Variants in HIBADH observed in about 807,000 individuals in gnomAD.
HIBADH encodes 3-hydroxyisobutyrate dehydrogenase, mitochondrial.
A neutral mutation model predicts 36.1 loss-of-function variants in HIBADH; 25 were observed. The ratio of observed to expected loss-of-function variants is 0.69; its 90% CI spans 0.50 to 0.97. HIBADH has a LOEUF of 0.97. Among genes scored for constraint, HIBADH ranks in the 50% least tolerant of loss-of-function variants. HIBADH has a pLI of 0.00. For synonymous variants in HIBADH, 160 were observed against 149.5 expected (o/e 1.07, Z -0.51); for missense variants, 421 against 418.0 (o/e 1.01, Z -0.06).
intron 1 of HIBADH, among the ~76,000 whole-genome samples, chr7:27,658,883 A>G (rs1685824122): frequency 6.6e-6 from 1 of 152,146 alleles, no homozygotes; most frequent in South Asian, 2.1e-4. Context: ...GACTTTCTCT[A>G]TAAAGGCCTT....
chr7:27,558,363 G>A (rs1262620565), intron 4 of HIBADH, among the ~76,000 whole-genome samples: 1 of 151,910 alleles, frequency 6.6e-6, no homozygotes, highest in Non-Finnish European at 1.5e-5. Context: ...GGTCTCGCTC[G>A]GTCACCCTGG....
rs183773076 is a variant in HIBADH at position 27,652,855 on chromosome 7, G to A, written c.92-3222C>T. 2.6e-5 allele frequency among the ~76,000 whole-genome samples: 4 copies of A among 152,300 alleles called. No individual in the cohort carries two copies. The East Asian group carries it at 5.8e-4, about 22-fold the overall frequency. On this transcript the variant is annotated intron_variant, in intron 1 of 7. Coordinates refer to ENST00000265395, the MANE Select transcript of HIBADH (RefSeq NM_152740.4). The stretch of plus-strand genomic sequence containing the variant: ...TGAGGGTTAGGAATTTTGGCCAGGC[G>A]CAGCGGCTCACGCCTGTAATCCCAG...
At chr7:27,652,796 C>G (rs2128297432) in intron 1 of HIBADH, among the ~76,000 whole-genome samples, 1 of 152,210 alleles carries the variant, frequency 6.6e-6, no homozygotes, top group African/African-American at 2.4e-5. Context: ...ATCTAATTGC[C>G]TCCCAAAGGG....
At chr7:27,579,538 C>G (rs1210824172) in intron 4 of HIBADH, among the ~76,000 whole-genome samples, 5 of 152,202 alleles carry the variant, frequency 3.3e-5, no homozygotes, top group Non-Finnish European at 7.4e-5. Flanking sequence ...TTTACAAAAA[C>G]AGATATTTTA....
rs1562609071 is a variant in HIBADH, at chr7:27,526,172, CAG to C, written c.*40_*41del. On this transcript the variant is annotated 3_prime_UTR_variant, in exon 8 of 8. Coordinates refer to ENST00000265395, the MANE Select transcript of HIBADH (RefSeq NM_152740.4). The stretch of plus-strand genomic sequence containing the variant: ...AGTGAGCTAAAAGGAGGCTCCAAGA[CAG>C]AGTTTGGTTCCCAACAGTGTCCGTG... The C allele has an allele frequency of 2.6e-6, 4 of 1,529,880 alleles. No individual in the cohort carries two copies. The highest frequency in any genetic ancestry group is 3.5e-6 in the Non-Finnish European group (4 of 1,140,176). The allele number at this position is 1,529,880 out of a possible 1,614,324, so 94.8% of individuals were successfully genotyped here. A position where few individuals can be genotyped will look rare whatever the true frequency, so the allele number is the denominator to read the frequency against.
At chr7:27,613,146 A>G (rs1219471350) in intron 4 of HIBADH, among the ~76,000 whole-genome samples, 1 of 108,344 alleles carries the variant, frequency 9.2e-6, no homozygotes, top group Non-Finnish European at 1.8e-5. Context: ...ATATAAATAT[A>G]TTTTATATAA....
chr7:27,602,898 A>G (rs1208026957), intron 4 of HIBADH, among the ~76,000 whole-genome samples: 1 of 152,048 alleles, frequency 6.6e-6, no homozygotes, highest in Non-Finnish European at 1.5e-5. Context: ...CCTTCTCAAC[A>G]ACCTCCATCC....
chr7:27,633,931 A>G (rs992639379), intron 2 of HIBADH, among the ~76,000 whole-genome samples: 1 of 152,194 alleles, frequency 6.6e-6, no homozygotes, highest in African/African-American at 2.4e-5. Flanking sequence ...AAGTTTACAC[A>G]TGTTCTTTTT....
chr7:27,625,525 C>T (rs944821064), intron 4 of HIBADH, among the ~76,000 whole-genome samples: 1 of 151,670 alleles, frequency 6.6e-6, no homozygotes, highest in African/African-American at 2.4e-5. Context: ...ATGCTGGTTA[C>T]CTCTCATCAG....
chr7:27,602,611 C>CTGAT (rs1432158407), intron 4 of HIBADH, among the ~76,000 whole-genome samples: 1 of 152,116 alleles, frequency 6.6e-6, no homozygotes, highest in African/African-American at 2.4e-5. Flanking sequence ...TAGAGCTAAG[C>CTGAT]TGATATACTA....
rs748541985 is a variant in HIBADH, at chr7:27,538,336, CA to C, written c.695+4del. Reference sequence around the variant, plus strand: ...GTTAGTATAAAAACGTACTATTCAACAAACCTGATTCCAAGATTCATAGCTT... The same window carrying C: ...GTTAGTATAAAAACGTACTATTCAACAACCTGATTCCAAGATTCATAGCTT... On this transcript the variant is annotated splice_donor_region_variant and intron_variant, in intron 6 of 7. Transcript: ENST00000265395. 3 of 1,608,756 alleles carry C rather than the reference CA, an allele frequency of 1.9e-6. No individual in the cohort carries two copies. The highest frequency in any genetic ancestry group is 1.1e-5 in the South Asian group (1 of 90,924).
chr7:27,558,926 G>C (rs1746995757), intron 4 of HIBADH, among the ~76,000 whole-genome samples: 2 of 152,116 alleles, frequency 1.3e-5, no homozygotes, highest in African/African-American at 4.8e-5. Flanking sequence ...GTTTGCCAGG[G>C]CCATCATAAC....
chr7:27,625,478 A>T (rs1399390787), intron 4 of HIBADH, among the ~76,000 whole-genome samples: 4 of 148,222 alleles, frequency 2.7e-5, no homozygotes, highest in Non-Finnish European at 6.0e-5. Flanking sequence ...AGTTAAACTT[A>T]AAAAAAAAAG....
intron 2 of HIBADH, among the ~76,000 whole-genome samples, chr7:27,645,602 G>C (rs1463460114): frequency 6.6e-6 from 1 of 151,792 alleles, no homozygotes; most frequent in Non-Finnish European, 1.5e-5. Context: ...GGCTGGTCTT[G>C]AACTCCTGAC....
chr7:27,560,389 G>A (rs956554243), intron 4 of HIBADH, among the ~76,000 whole-genome samples: 2 of 152,208 alleles, frequency 1.3e-5, no homozygotes, highest in Non-Finnish European at 2.9e-5. Context: ...ATGGTGCTGG[G>A]ATTACGGGTG....
At chr7:27,569,735 C>T (rs1035495608) in intron 4 of HIBADH, among the ~76,000 whole-genome samples, 15 of 151,986 alleles carry the variant, frequency 9.9e-5, no homozygotes, top group Non-Finnish European at 2.1e-4. Flanking sequence ...CTAGATCTGT[C>T]TCTGGGGCCA....
intron 4 of HIBADH, among the ~76,000 whole-genome samples, chr7:27,573,577 G>A (rs1254564357): frequency 6.6e-6 from 1 of 152,114 alleles, no homozygotes; most frequent in African/African-American, 2.4e-5. Flanking sequence ...AAAAAGGAAC[G>A]AGAAAAATTC....
intron 4 of HIBADH, among the ~76,000 whole-genome samples, chr7:27,626,224 C>A (rs570663227): frequency 6.6e-6 from 1 of 151,130 alleles, no homozygotes; most frequent in Non-Finnish European, 1.5e-5. Flanking sequence ...TTTCATCTAC[C>A]CTTTAAGTAT....
At chr7:27,622,940 T>C (rs573711463) in intron 4 of HIBADH, among the ~76,000 whole-genome samples, 1 of 152,076 alleles carries the variant, frequency 6.6e-6, no homozygotes, top group Admixed American at 6.5e-5. Context: ...GATCCCAAAA[T>C]CAGACAAGGA....
Sources: gnomAD v4.1 joint callset for allele counts (sites outside exome capture counted in the v4.1 genomes callset) on GRCh38, gnomAD v4.1.1 for gene constraint, MANE v1.5 for transcripts, NCBI Gene and HGNC (gene_info 2026-07-23, HGNC 2026-07-21) for gene names.